The following EPHA6 variants were observed in gnomAD, a reference collection of about 807,000 sequenced individuals.
EPHA6 encodes EPH receptor A6, also known as ephrin type-A receptor 6.
Under a neutral mutation model 112.0 loss-of-function variants are expected in EPHA6, and 50 were observed. The ratio of observed to expected loss-of-function variants is 0.45; its 90% CI spans 0.36 to 0.56. The LOEUF (loss-of-function observed/expected upper bound fraction) is 0.56. Among genes scored for constraint, EPHA6 ranks in the 20% least tolerant of loss-of-function variants. EPHA6 has a pLI of 0.00. For missense variants in EPHA6, 1,280 were observed against 1,417.4 expected, an observed-to-expected ratio of 0.90 and a Z score of 1.56; for synonymous variants, 529 against 490.7, an observed-to-expected ratio of 1.08 and a Z score of -1.03.
intron 3 of EPHA6, among the ~76,000 whole-genome samples, chr3:97,107,670 T>C (rs1242687695): frequency 6.6e-6 from 1 of 152,180 alleles, no homozygotes; most frequent in African/African-American, 2.4e-5. Context: ...ATTTGTAATG[T>C]ACATCTCCAA....
At chr3:97,231,806 A>C (rs1046626399) in intron 4 of EPHA6, among the ~76,000 whole-genome samples, 1 of 152,104 alleles carries the variant, frequency 6.6e-6, no homozygotes, top group Non-Finnish European at 1.5e-5. Context: ...AATAGATGAA[A>C]TGTCTTTCTG....
At chr3:96,965,955 G>C (rs1192234484) in intron 2 of EPHA6, among the ~76,000 whole-genome samples, 2 of 151,936 alleles carry the variant, frequency 1.3e-5, no homozygotes, top group African/African-American at 4.8e-5. Context: ...ATGTAAACAT[G>C]GTCTTGTTTG....
chr3:97,306,354 C>T (rs1234771781), intron 5 of EPHA6, among the ~76,000 whole-genome samples: 1 of 148,790 alleles, frequency 6.7e-6, no homozygotes, highest in Admixed American at 6.7e-5. Context: ...TGAGCATTCT[C>T]CACTTGACGG....
intron 3 of EPHA6, among the ~76,000 whole-genome samples, chr3:97,060,177 C>T (rs970720300): frequency 1.3e-5 from 2 of 152,062 alleles, no homozygotes; most frequent in African/African-American, 4.8e-5. Flanking sequence ...TTGAGCACTT[C>T]CTATGTTCAA....
intron 14 of EPHA6, among the ~76,000 whole-genome samples, chr3:97,714,405 A>G (rs2034123102): frequency 6.6e-6 from 1 of 152,212 alleles, no homozygotes; most frequent in Non-Finnish European, 1.5e-5. Context: ...GTAAAGACAG[A>G]TATTATTTCC....
intron 3 of EPHA6, among the ~76,000 whole-genome samples, chr3:97,027,608 G>T (rs905834075): frequency 9.2e-5 from 14 of 152,072 alleles, no homozygotes; most frequent in Admixed American, 3.3e-4. Context: ...CTAAGAATTG[G>T]CATGAATAGA....
chr3:96,904,000 G>C (rs1425015984), intron 2 of EPHA6, among the ~76,000 whole-genome samples: 3 of 152,058 alleles, frequency 2.0e-5, no homozygotes, highest in South Asian at 2.1e-4. Flanking sequence ...CACTTTTACA[G>C]TGTTGGTGGG....
intron 2 of EPHA6, among the ~76,000 whole-genome samples, chr3:96,870,682 C>T (rs1335900040): frequency 6.6e-6 from 1 of 151,912 alleles, no homozygotes; most frequent in Non-Finnish European, 1.5e-5. Context: ...GTAAGTAAAC[C>T]TAACAACTAA....
chr3:97,064,377 A>T (rs2046116155), intron 3 of EPHA6, among the ~76,000 whole-genome samples: 1 of 152,184 alleles, frequency 6.6e-6, no homozygotes, highest in African/African-American at 2.4e-5. Context: ...GCAAGATTAT[A>T]TTCTTCCAGA....
intron 7 of EPHA6, among the ~76,000 whole-genome samples, chr3:97,453,562 T>A (rs1176603494): frequency 6.6e-6 from 1 of 151,694 alleles, no homozygotes; most frequent in Non-Finnish European, 1.5e-5. Context: ...AAAATAATCA[T>A]ATAAAAATCA....
intron 2 of EPHA6, among the ~76,000 whole-genome samples, chr3:96,941,706 G>GT (rs1156726043): frequency 6.6e-6 from 1 of 152,178 alleles, no homozygotes; most frequent in African/African-American, 2.4e-5. Context: ...TTTCTGCTCT[G>GT]TTTTTTCCCC....
chr3:97,306,431 C>A (rs558596974), intron 5 of EPHA6, among the ~76,000 whole-genome samples: 3 of 151,702 alleles, frequency 2.0e-5, no homozygotes, highest in Admixed American at 1.3e-4. Flanking sequence ...TGGGAAGACC[C>A]CAGCAGGGAG....
Position 97,748,784 on chromosome 3 carries a change from C to A in EPHA6, c.*83C>A. 1.3e-6 allele frequency: 1 copy of A among 757,506 alleles called. No homozygotes were observed. 46.9% of individuals were successfully genotyped at this position (757,506 alleles called of 1,614,324 possible). A position where few individuals can be genotyped will look rare whatever the true frequency, so the allele number is the denominator to read the frequency against. Reference sequence around the variant, plus strand: ...CTCTACTACTCTCTCTTCTGATTCTCCAAACATCACTTCACAAACTGCAGT... The same window carrying A: ...CTCTACTACTCTCTCTTCTGATTCTACAAACATCACTTCACAAACTGCAGT... On this transcript the variant is annotated 3_prime_UTR_variant, in exon 18 of 18. Transcript: ENST00000389672.
chr3:97,077,377 C>T (rs770130686), intron 3 of EPHA6, among the ~76,000 whole-genome samples: 10 of 151,956 alleles, frequency 6.6e-5, no homozygotes, highest in East Asian at 3.9e-4. Flanking sequence ...GAAGGTATAA[C>T]GGAACAGATG....
chr3:97,166,368 A>T (rs569816072), intron 3 of EPHA6, among the ~76,000 whole-genome samples: 2,220 of 133,442 alleles, frequency 0.017, 38 homozygotes, highest in African/African-American at 0.049. Flanking sequence ...ACTTGTTTTT[A>T]AAAAAAAAAA....
intron 3 of EPHA6, among the ~76,000 whole-genome samples, chr3:97,222,212 T>C (rs911433932): frequency 6.6e-6 from 1 of 152,158 alleles, no homozygotes; most frequent in Non-Finnish European, 1.5e-5. Context: ...ATCTGAGAGT[T>C]ATATGCTGTA....
chr3:97,156,190 A>G (rs1474378851), intron 3 of EPHA6, among the ~76,000 whole-genome samples: 1 of 152,174 alleles, frequency 6.6e-6, no homozygotes, highest in East Asian at 1.9e-4. Flanking sequence ...GGGAGTGTTC[A>G]TGTTAAGACT....
chr3:97,081,374 C>A (rs1213433123), intron 3 of EPHA6, among the ~76,000 whole-genome samples: 1 of 151,812 alleles, frequency 6.6e-6, no homozygotes, highest in African/African-American at 2.4e-5. Flanking sequence ...AGGCAAAGGA[C>A]AAAAACAGCA....
rs139567485 is a variant in EPHA6 at position 96,977,499 on chromosome 3, T to C, written c.451-9831T>C. 4.5e-3 allele frequency among the ~76,000 whole-genome samples: 686 copies of C among 152,310 alleles called. 9 individuals carry two copies. Among genetic ancestry groups the C allele is most frequent in the African/African-American group, 0.016 (656 of 41,568 alleles). On this transcript the variant is annotated intron_variant, in intron 2 of 17. Coordinates refer to ENST00000389672, the MANE Select transcript of EPHA6 (RefSeq NM_001080448.3). ...TATTAGTGTAATAAAATTATACTTG[T>C]ATTCTATACATTTATACAAGTAACA...
Sources: gnomAD v4.1 joint callset for allele counts (sites outside exome capture counted in the v4.1 genomes callset) on GRCh38, gnomAD v4.1.1 for gene constraint, MANE v1.5 for transcripts, NCBI Gene and HGNC (gene_info 2026-07-23, HGNC 2026-07-21) for gene names.